GSK3B: variants seen among roughly 807,000 people sequenced by gnomAD.
GSK3B encodes the protein glycogen synthase kinase-3 beta.
A neutral mutation model predicts 56.4 loss-of-function variants in GSK3B; 15 were observed. The observed-to-expected ratio is 0.27, with a 90% CI of 0.18 to 0.41. The LOEUF is 0.41. GSK3B is among the 10% of genes least tolerant of loss of function. The pLI, the probability that GSK3B is intolerant of heterozygous loss-of-function variation, is 1.00. For synonymous variants in GSK3B, 181 were observed against 188.9 expected (o/e 0.96, Z 0.34); for missense variants, 300 against 513.4 (o/e 0.58, Z 4.02).
intron 7 of GSK3B, among the ~76,000 whole-genome samples, chr3:119,880,646 G>A (rs1019970342): frequency 1.4e-4 from 21 of 152,292 alleles, no homozygotes; most frequent in Non-Finnish European, 2.6e-4. Flanking sequence ...CTTTAACTGT[G>A]TATAAGGTAA....
intron 7 of GSK3B, among the ~76,000 whole-genome samples, chr3:119,885,303 A>T (rs1470356052): frequency 6.6e-6 from 1 of 151,686 alleles, no homozygotes; most frequent in Admixed American, 6.6e-5. Flanking sequence ...ACCTAGGAAT[A>T]CCTCTAACTG....
At chr3:119,926,709 C>T (rs561218295) in intron 3 of GSK3B, among the ~76,000 whole-genome samples, 1 of 152,286 alleles carries the variant, frequency 6.6e-6, no homozygotes, top group Admixed American at 6.5e-5. Context: ...TACTTCCCTG[C>T]TATTTCTTGA....
intron 5 of GSK3B, among the ~76,000 whole-genome samples, chr3:119,913,091 T>A (rs1185741897): frequency 6.6e-6 from 1 of 152,114 alleles, no homozygotes; most frequent in Non-Finnish European, 1.5e-5. Flanking sequence ...TTTCTTCTGA[T>A]CCTCTGTTCC....
intron 7 of GSK3B, among the ~76,000 whole-genome samples, chr3:119,891,851 T>C (rs181289898): frequency 1.6e-3 from 238 of 152,290 alleles, no homozygotes; most frequent in African/African-American, 4.6e-3. Context: ...GATCTTTTCA[T>C]TTGTTGCAAA....
intron 1 of GSK3B, among the ~76,000 whole-genome samples, chr3:120,035,647 A>AT (rs1303918740): frequency 5.3e-5 from 8 of 152,116 alleles, no homozygotes; most frequent in Non-Finnish European, 1.2e-4. Context: ...GGTATTCATT[A>AT]ATTTCTTTCA....
At chr3:120,037,714 T>C (rs929543946) in intron 1 of GSK3B, among the ~76,000 whole-genome samples, 2 of 152,118 alleles carry the variant, frequency 1.3e-5, no homozygotes, top group African/African-American at 4.8e-5. Context: ...TGGTATTTAG[T>C]GGTTTCAGAA....
chr3:119,832,221 A>C (rs1054337864), intron 10 of GSK3B, among the ~76,000 whole-genome samples: 3 of 152,242 alleles, frequency 2.0e-5, no homozygotes, highest in African/African-American at 7.2e-5. Flanking sequence ...AGGGCCACTT[A>C]TTGAGTGACT....
rs893576779 is a variant in GSK3B, at chr3:119,988,103, G to A, written c.282+13943C>T. On this transcript the variant is annotated intron_variant, in intron 2 of 10. Coordinates refer to ENST00000264235, the MANE Select transcript of GSK3B (RefSeq NM_001146156.2). The stretch of plus-strand genomic sequence containing the variant: ...CTCTAACAGGTGCTCTTAAATGCAG[G>A]TTTCTGATAACACTGGAGACTGTAA... 2.6e-5 allele frequency among the ~76,000 whole-genome samples: 4 copies of A among 152,094 alleles called. No homozygotes were observed. The East Asian group carries it at 7.7e-4, about 29-fold the overall frequency.
chr3:119,995,282 G>A (rs1448965294), intron 2 of GSK3B, among the ~76,000 whole-genome samples: 5 of 151,800 alleles, frequency 3.3e-5, no homozygotes, highest in Non-Finnish European at 5.9e-5. Context: ...TGCAGTAGCC[G>A]TGACTTTACC....
chr3:120,063,413 T>C (rs1350996238), intron 1 of GSK3B, among the ~76,000 whole-genome samples: 2 of 152,038 alleles, frequency 1.3e-5, no homozygotes, highest in Non-Finnish European at 2.9e-5. Flanking sequence ...TGTCCATCAA[T>C]ATGGAACTGT....
chr3:119,868,871 A>G (rs77385215), intron 8 of GSK3B, among the ~76,000 whole-genome samples: 1 of 152,286 alleles, frequency 6.6e-6, no homozygotes, highest in Non-Finnish European at 1.5e-5. Flanking sequence ...TAATCATCTG[A>G]AATTATATGC....
At chr3:120,049,090 C>T (rs981816491) in intron 1 of GSK3B, among the ~76,000 whole-genome samples, 4 of 152,186 alleles carry the variant, frequency 2.6e-5, no homozygotes, top group African/African-American at 9.7e-5. Context: ...CAAAATGAAT[C>T]TGTCTCTTCA....
intron 2 of GSK3B, among the ~76,000 whole-genome samples, chr3:119,971,509 T>C (rs1195883073): frequency 1.3e-5 from 2 of 151,852 alleles, no homozygotes; most frequent in African/African-American, 4.8e-5. Context: ...ATAGCTTCCA[T>C]AGTTTTAGTA....
chr3:120,002,604 C>T (rs936864432), intron 1 of GSK3B, among the ~76,000 whole-genome samples: 11 of 152,210 alleles, frequency 7.2e-5, no homozygotes, highest in African/African-American at 2.7e-4. Flanking sequence ...CTCCAAAGTG[C>T]TGGGATTACA....
intron 1 of GSK3B, among the ~76,000 whole-genome samples, chr3:120,056,175 T>G (rs1186088589): frequency 6.6e-6 from 1 of 152,200 alleles, no homozygotes; most frequent in African/African-American, 2.4e-5. Flanking sequence ...AAAATGTAAT[T>G]TTCATTAAAA....
At chr3:119,915,295 G>A (rs953533192) in intron 5 of GSK3B, among the ~76,000 whole-genome samples, 61 of 151,934 alleles carry the variant, frequency 4.0e-4, no homozygotes, top group African/African-American at 1.4e-3. Flanking sequence ...CCTGAATTGA[G>A]GTTAATTGTG....
intron 7 of GSK3B, among the ~76,000 whole-genome samples, chr3:119,896,726 G>T (rs2056571771): frequency 6.6e-6 from 1 of 152,138 alleles, no homozygotes; most frequent in Non-Finnish European, 1.5e-5. Flanking sequence ...AAGGAAGCAA[G>T]AATTCCTTAG....
intron 7 of GSK3B, among the ~76,000 whole-genome samples, chr3:119,895,841 T>A (rs955568018): frequency 4.6e-5 from 7 of 152,062 alleles, no homozygotes; most frequent in Non-Finnish European, 8.8e-5. Flanking sequence ...ACAAGAAGTG[T>A]GGCTGGGCGT....
intron 1 of GSK3B, among the ~76,000 whole-genome samples, chr3:120,052,254 T>C (rs552698908): frequency 3.9e-5 from 6 of 152,336 alleles, no homozygotes; most frequent in African/African-American, 1.4e-4. Flanking sequence ...AATGACTAAA[T>C]TGATGGTTGT....
Sources: allele counts gnomAD v4.1 joint callset (sites outside exome capture counted in the v4.1 genomes callset), GRCh38; gene constraint gnomAD v4.1.1; transcripts MANE v1.5; gene names NCBI Gene and HGNC (gene_info 2026-07-23, HGNC 2026-07-21).